KCNAB1: variants seen among roughly 807,000 people sequenced by gnomAD.
KCNAB1 encodes the protein potassium voltage-gated channel subfamily A regulatory beta subunit 1.
Under a neutral mutation model 64.6 loss-of-function variants are expected in KCNAB1, and 35 were observed. That is an observed-to-expected ratio of 0.54 (90% CI 0.41 to 0.72). The LOEUF is 0.72. KCNAB1 is among the 30% of genes least tolerant of loss of function. KCNAB1 has a pLI of 0.00. For synonymous variants in KCNAB1, 177 were observed against 183.8 expected, an observed-to-expected ratio of 0.96 and a Z score of 0.30; for missense variants, 401 against 512.9, an observed-to-expected ratio of 0.78 and a Z score of 2.11.
intron 1 of KCNAB1, among the ~76,000 whole-genome samples, chr3:156,338,347 G>A (rs1409854583): frequency 1.9e-5 from 1 of 52,654 alleles, no homozygotes; most frequent in Non-Finnish European, 3.7e-5. Flanking sequence ...TTTAACTCTT[G>A]TTGCCCAGGC....
intron 2 of KCNAB1, among the ~76,000 whole-genome samples, chr3:156,431,966 A>T (rs768238437): frequency 1.3e-5 from 2 of 152,238 alleles, no homozygotes; most frequent in South Asian, 2.1e-4. Context: ...GTCTCTCAAG[A>T]CCCACCCTGA....
intron 2 of KCNAB1, 47 bp downstream of exon 2, chr3:156,421,706 C>A: frequency 6.4e-7 from 1 of 1,557,436 alleles, no homozygotes; most frequent in Non-Finnish European, 8.8e-7. Context: ...AGGTGGGAGA[C>A]TGGGGAGGGC....
chr3:156,157,793 A>G (rs955563383), intron 1 of KCNAB1, among the ~76,000 whole-genome samples: 1 of 152,204 alleles, frequency 6.6e-6, no homozygotes, highest in Non-Finnish European at 1.5e-5. Flanking sequence ...GAACAGGATG[A>G]AAAACACACA....
At chr3:156,313,524 C>T (rs141986009) in intron 1 of KCNAB1, among the ~76,000 whole-genome samples, 7 of 152,250 alleles carry the variant, frequency 4.6e-5, no homozygotes, top group Admixed American at 6.5e-5. Context: ...GATGATGGAG[C>T]AGTGAGAGAT....
intron 1 of KCNAB1, among the ~76,000 whole-genome samples, chr3:156,274,726 A>G (rs1039142570): frequency 2.0e-5 from 3 of 152,238 alleles, no homozygotes; most frequent in Non-Finnish European, 4.4e-5. Context: ...TTATCGTGGT[A>G]TAATTGACAA....
At chr3:156,314,269 G>T (rs924890648) in intron 1 of KCNAB1, among the ~76,000 whole-genome samples, 1 of 140,480 alleles carries the variant, frequency 7.1e-6, no homozygotes, top group Non-Finnish European at 1.5e-5. Flanking sequence ...TGTTAGGTGC[G>T]GTGTCAAAAA....
intron 11 of KCNAB1, among the ~76,000 whole-genome samples, chr3:156,516,710 C>T (rs1275573555): frequency 6.6e-6 from 1 of 152,172 alleles, no homozygotes. Flanking sequence ...AATGCAAAAT[C>T]TCTTTTCTAT....
At chr3:156,281,517 T>TTGGAATAGTTTCAGAAGGAA (rs1719714749) in intron 1 of KCNAB1, among the ~76,000 whole-genome samples, 1 of 152,142 alleles carries the variant, frequency 6.6e-6, no homozygotes, top group Non-Finnish European at 1.5e-5. Context: ...TTTCTATTGA[T>TTGGAATAGTTTCAGAAGGAA]TGGAATAGTT....
chr3:156,164,213 A>C (rs1378616564), intron 1 of KCNAB1, among the ~76,000 whole-genome samples: 2 of 152,186 alleles, frequency 1.3e-5, no homozygotes, highest in Non-Finnish European at 2.9e-5. Flanking sequence ...TGACTAAATA[A>C]GAGAGGCAGA....
intron 1 of KCNAB1, among the ~76,000 whole-genome samples, chr3:156,221,267 G>A (rs113802183): frequency 1.3e-5 from 2 of 152,292 alleles, no homozygotes; most frequent in African/African-American, 4.8e-5. Flanking sequence ...GTCAGTGGTA[G>A]CTTGATGGGG....
At chr3:156,206,151 C>A (rs528712287) in intron 1 of KCNAB1, among the ~76,000 whole-genome samples, 2 of 152,214 alleles carry the variant, frequency 1.3e-5, no homozygotes, top group Admixed American at 6.5e-5. Context: ...GGTTCCCTAG[C>A]ATTCATTCCC....
Position 156,268,679 on chromosome 3 carries a change from A to T in KCNAB1, c.275+147793A>T, listed in dbSNP as rs113272107. Among the ~76,000 whole-genome samples, 1,484 of 152,286 alleles carry T rather than the reference A, an allele frequency of 9.7e-3. 23 individuals are homozygous for T. The highest frequency in any genetic ancestry group is 0.034 in the African/African-American group (1,415 of 41,568). ...GCCATTTATATGTCCTCTTTGGAGAATCAGATATTTTGTCCATTTTCAAAA... is the reference window on the plus strand; with the variant it reads ...GCCATTTATATGTCCTCTTTGGAGATTCAGATATTTTGTCCATTTTCAAAA... On this transcript the variant is annotated intron_variant, in intron 1 of 13. Coordinates refer to ENST00000490337, the MANE Select transcript of KCNAB1 (RefSeq NM_172160.3).
intron 3 of KCNAB1, chr3:156,456,039 A>T (rs940051): frequency 0.6 from 91,013 of 152,042 alleles, 28,669 homozygotes; most frequent in African/African-American, 0.81. Context: ...AGGAGATCCC[A>T]GAACAAAATC....
In KCNAB1 at chr3:156,509,363, A is replaced by G. The variant is rs968160622; in HGVS notation, c.659-5001A>G. Among the ~76,000 whole-genome samples the G allele has an allele frequency of 2.0e-5, 3 of 150,294 alleles. No homozygotes were observed. The East Asian group carries it at 5.8e-4, about 29-fold the overall frequency. ...TGAGGCCCTGGGATTTGCATTTGTA[A>G]CAAGTTTCCAGGTGCTGCTGCTGCT... On this transcript the variant is annotated intron_variant, in intron 8 of 13. Coordinates refer to ENST00000490337, the MANE Select transcript of KCNAB1 (RefSeq NM_172160.3).
At chr3:156,310,003 G>C (rs191361470) in intron 1 of KCNAB1, among the ~76,000 whole-genome samples, 108 of 152,294 alleles carry the variant, frequency 7.1e-4, no homozygotes, top group African/African-American at 2.4e-3. Context: ...CTCCAACAGG[G>C]CTTGTTGAGT....
At chr3:156,137,713 T>TG (rs1714445217) in intron 1 of KCNAB1, among the ~76,000 whole-genome samples, 1 of 15,748 alleles carries the variant, frequency 6.4e-5, no homozygotes, top group Non-Finnish European at 1.6e-4. Context: ...GTCTGGCTAA[T>TG]TTTTTTTTTT....
At chr3:156,313,958 C>T (rs754192272) in intron 1 of KCNAB1, among the ~76,000 whole-genome samples, 4 of 152,198 alleles carry the variant, frequency 2.6e-5, no homozygotes, top group South Asian at 4.1e-4. Flanking sequence ...CCCCCTTTTC[C>T]ATGTAGCCTT....
chr3:156,173,914 G>C (rs769299946), intron 1 of KCNAB1, among the ~76,000 whole-genome samples: 4 of 152,154 alleles, frequency 2.6e-5, no homozygotes, highest in Non-Finnish European at 5.9e-5. Flanking sequence ...CACTCTCTTT[G>C]CCCAATTGAT....
chr3:156,245,742 A>G (rs1256806427), intron 1 of KCNAB1, among the ~76,000 whole-genome samples: 1 of 152,216 alleles, frequency 6.6e-6, no homozygotes, highest in Non-Finnish European at 1.5e-5. Context: ...TATCTTCTTT[A>G]CAACCTTGCC....
Sources: allele counts gnomAD v4.1 joint callset (sites outside exome capture counted in the v4.1 genomes callset), GRCh38; gene constraint gnomAD v4.1.1; transcripts MANE v1.5; gene names NCBI Gene and HGNC (gene_info 2026-07-23, HGNC 2026-07-21).